Variants in ADAMTS3 observed in about 807,000 individuals in gnomAD.
The protein encoded by ADAMTS3 is A disintegrin and metalloproteinase with thrombospondin motifs 3.
In ADAMTS3, 73 loss-of-function variants were observed where a neutral mutation model predicts 129.0. The observed-to-expected ratio is 0.57, with a 90% CI of 0.47 to 0.69. ADAMTS3 has a LOEUF of 0.69. Ranked by LOEUF, ADAMTS3 falls within the 30% of genes least tolerant of loss-of-function variation. The pLI is 0.00. For missense variants in ADAMTS3, 1,457 were observed against 1,514.5 expected (o/e 0.96, Z 0.63); for synonymous variants, 477 against 510.8 (o/e 0.93, Z 0.89).
intron 4 of ADAMTS3, among the ~76,000 whole-genome samples, chr4:72,384,207 G>A (rs1286063407): frequency 6.6e-6 from 1 of 152,088 alleles, no homozygotes; most frequent in African/African-American, 2.4e-5. Flanking sequence ...CATATAACTG[G>A]AATCTGAGAG....
At chr4:72,469,303 G>A (rs528267067) in intron 3 of ADAMTS3, among the ~76,000 whole-genome samples, 1 of 152,156 alleles carries the variant, frequency 6.6e-6, no homozygotes, top group South Asian at 2.1e-4. Flanking sequence ...AGTATTCCAT[G>A]GGTTGGAGTT....
At chr4:72,515,357 G>A (rs1395362556) in intron 3 of ADAMTS3, among the ~76,000 whole-genome samples, 32 of 151,640 alleles carry the variant, frequency 2.1e-4, no homozygotes, top group Admixed American at 8.5e-4. Flanking sequence ...ACCCAGTAAT[G>A]GGATGGCTGG....
At position 72,548,793 on chromosome 4, in the gene ADAMTS3, C is replaced by A; in HGVS notation, c.189G>T (p.Ala63=). 6.2e-7 allele frequency: 1 copy of A among 1,613,834 alleles called. No homozygotes were observed. Among genetic ancestry groups the A allele is most frequent in the Non-Finnish European group, 8.5e-7 (1 of 1,179,856 alleles). ...EGRYLSHTLS[A]SHKKRSARDV... is the part of the protein sequence containing the mutation. The stretch of plus-strand genomic sequence containing the variant: ...CCCTCGCTGACCTCTTTTTGTGACT[C>A]GCAGAAAGAGTATGGGAGAGATAGC... Residue 63 remains alanine (A), a synonymous_variant, in exon 3 of 22, where the codon GCG becomes GCT. Transcript: ENST00000286657.
At chr4:72,464,123 C>T (rs1718856724) in intron 3 of ADAMTS3, among the ~76,000 whole-genome samples, 1 of 152,060 alleles carries the variant, frequency 6.6e-6, no homozygotes, top group African/African-American at 2.4e-5. Context: ...GTGTGTGCAG[C>T]TCAATGACCG....
At chr4:72,284,436 C>T (rs535620561) in intron 21 of ADAMTS3, among the ~76,000 whole-genome samples, 161 of 125,732 alleles carry the variant, frequency 1.3e-3, no homozygotes, top group African/African-American at 4.2e-3. Context: ...CAGAGCGAGA[C>T]TCTGTCTCAA....
intron 2 of ADAMTS3, among the ~76,000 whole-genome samples, chr4:72,561,548 A>T (rs1050658563): frequency 3.3e-5 from 5 of 152,170 alleles, no homozygotes; most frequent in African/African-American, 1.2e-4. Flanking sequence ...TGTAAAAGAG[A>T]GAGGTTCTTA....
intron 13 of ADAMTS3, among the ~76,000 whole-genome samples, 156 bp from the exon 14 acceptor site, chr4:72,311,337 TATGTAC>T (rs963994229): frequency 3.3e-5 from 5 of 150,074 alleles, no homozygotes; most frequent in African/African-American, 1.2e-4. Flanking sequence ...AGGAGGAAAG[TATGTAC>T]ATTTGACATT....
chr4:72,538,656 C>T (rs1452865078), intron 3 of ADAMTS3, among the ~76,000 whole-genome samples: 1 of 152,028 alleles, frequency 6.6e-6, no homozygotes, highest in African/African-American at 2.4e-5. Context: ...AGTTGAAAAA[C>T]CCATCTTAAA....
In ADAMTS3 at chr4:72,515,081, C is replaced by T. The variant is rs201871721; in HGVS notation, c.504+33397G>A. On this transcript the variant is annotated intron_variant, in intron 3 of 21. Transcript: ENST00000286657. ...ATGCCCATCTATGAATGAGAACATGCGGTGTTTGGTTTTTTGTCCTTGCGA... is the reference window on the plus strand; with the variant it reads ...ATGCCCATCTATGAATGAGAACATGTGGTGTTTGGTTTTTTGTCCTTGCGA... Among the ~76,000 whole-genome samples the T allele has an allele frequency of 1.8e-4, 27 of 152,104 alleles. No homozygotes were observed. The East Asian group carries it at 3.7e-3, about 21-fold the overall frequency.
In ADAMTS3 at chr4:72,539,491, G is replaced by GAAA. The variant is rs71215438; in HGVS notation, c.504+8984_504+8986dup. 4.2e-3 allele frequency among the ~76,000 whole-genome samples: 359 copies of GAAA among 86,444 alleles called. 6 individuals are homozygous for GAAA. Among genetic ancestry groups the GAAA allele is most frequent in the African/African-American group, 1.0e-2 (233 of 23,348 alleles). The allele number at this position is 86,444 out of a possible 152,430, so 56.7% of individuals were successfully genotyped here. ...CCAACCTTTAGGATGGCTACTATCA[G>GAAA]AAAAAAAAAAAAAAAAAAAAAACAG... On this transcript the variant is annotated intron_variant, in intron 3 of 21. Coordinates refer to ENST00000286657, the MANE Select transcript of ADAMTS3 (RefSeq NM_014243.3).
chr4:72,290,825 C>G, intron 20 of ADAMTS3, 30 bp downstream of exon 20: 1 of 1,601,794 alleles, frequency 6.2e-7, no homozygotes, highest in South Asian at 1.1e-5. Context: ...ACACACTTTA[C>G]TTATGCATGC....
At chr4:72,386,436 A>G (rs1721450940) in intron 4 of ADAMTS3, among the ~76,000 whole-genome samples, 1 of 151,762 alleles carries the variant, frequency 6.6e-6, no homozygotes, top group Admixed American at 6.6e-5. Flanking sequence ...AAAACACATT[A>G]AGCAACACAA....
At chr4:72,430,047 T>C (rs1442931832) in intron 3 of ADAMTS3, among the ~76,000 whole-genome samples, 8 of 152,022 alleles carry the variant, frequency 5.3e-5, no homozygotes, top group Admixed American at 5.2e-4. Context: ...ATTTGAACCC[T>C]ATTGTGTTGA....
At chr4:72,509,264 A>T (rs1191657417) in intron 3 of ADAMTS3, among the ~76,000 whole-genome samples, 1 of 151,892 alleles carries the variant, frequency 6.6e-6, no homozygotes, top group Non-Finnish European at 1.5e-5. Flanking sequence ...AAGAAAAAAA[A>T]AATAAAGGTC....
At chr4:72,567,446 C>T in intron 1 of ADAMTS3, 45 bp from the exon 2 acceptor site, 1 of 1,583,182 alleles carries the variant, frequency 6.3e-7, no homozygotes. Flanking sequence ...TACTGGGTTT[C>T]ATCTTATCAC....
intron 4 of ADAMTS3, among the ~76,000 whole-genome samples, chr4:72,364,152 T>C (rs777033562): frequency 6.6e-6 from 1 of 151,394 alleles, no homozygotes; most frequent in Non-Finnish European, 1.5e-5. Flanking sequence ...TAGAAACCAA[T>C]AAACATGAAA....
intron 4 of ADAMTS3, among the ~76,000 whole-genome samples, chr4:72,359,249 C>T (rs1720658980): frequency 6.6e-6 from 1 of 151,984 alleles, no homozygotes; most frequent in Admixed American, 6.6e-5. Context: ...TTGACCATAT[C>T]ATGAGCCTTG....
intron 4 of ADAMTS3, among the ~76,000 whole-genome samples, chr4:72,368,837 T>A (rs776714897): frequency 6.6e-6 from 1 of 152,218 alleles, no homozygotes; most frequent in African/African-American, 2.4e-5. Flanking sequence ...ACATATGATA[T>A]AGAGTCATCA....
intron 3 of ADAMTS3, among the ~76,000 whole-genome samples, chr4:72,488,193 T>C (rs1578727443): frequency 2.0e-5 from 3 of 151,966 alleles, no homozygotes; most frequent in Non-Finnish European, 4.4e-5. Flanking sequence ...CTTGATTTAA[T>C]AGTGTTGTGT....
Sources: gnomAD v4.1 joint callset for allele counts (sites outside exome capture counted in the v4.1 genomes callset) on GRCh38, gnomAD v4.1.1 for gene constraint, MANE v1.5 for transcripts, NCBI Gene and HGNC (gene_info 2026-07-23, HGNC 2026-07-21) for gene names.